GFOD1: variants seen among roughly 807,000 people sequenced by gnomAD.
GFOD1 encodes the protein glucose-fructose oxidoreductase domain-containing protein 1.
A neutral mutation model predicts 25.4 loss-of-function variants in GFOD1; 9 were observed. The ratio of observed to expected loss-of-function variants is 0.35; its 90% CI spans 0.21 to 0.62. The LOEUF (loss-of-function observed/expected upper bound fraction) is 0.62. GFOD1 is among the 20% of genes least tolerant of loss of function. The pLI, the probability that GFOD1 is intolerant of heterozygous loss-of-function variation, is 0.72. For missense variants in GFOD1, 403 were observed against 556.9 expected, an observed-to-expected ratio of 0.72 and a Z score of 2.78; for synonymous variants, 253 against 245.6, an observed-to-expected ratio of 1.03 and a Z score of -0.28.
At position 13,476,150 on chromosome 6, in the gene GFOD1, C is replaced by A. The variant is rs748511274; in HGVS notation, c.253+10488G>T. Among the ~76,000 whole-genome samples the A allele has an allele frequency of 3.7e-4, 57 of 152,276 alleles. No homozygotes were observed. The Middle Eastern group carries it at 0.01, about 27-fold the overall frequency. ...CAAAAGACTTATATGCAAATGTTCACAGCAGCATTATTCACAATCACTTAA... is the reference window on the plus strand; with the variant it reads ...CAAAAGACTTATATGCAAATGTTCAAAGCAGCATTATTCACAATCACTTAA... On this transcript the variant is annotated intron_variant, in intron 1 of 1. Transcript: ENST00000379287.
At chr6:13,455,299 T>C (rs1170261139) in intron 1 of GFOD1, among the ~76,000 whole-genome samples, 1 of 152,200 alleles carries the variant, frequency 6.6e-6, no homozygotes, top group Non-Finnish European at 1.5e-5. Flanking sequence ...TCCCTATCAC[T>C]AAATCACCTT....
At chr6:13,390,275 TTTG>T (rs901424128) in intron 1 of GFOD1, among the ~76,000 whole-genome samples, 3 of 152,102 alleles carry the variant, frequency 2.0e-5, no homozygotes, top group African/African-American at 4.8e-5. Context: ...GGGCTTCCAT[TTTG>T]TTGTTGTTGT....
chr6:13,379,033 AG>A (rs1221587136), intron 1 of GFOD1, among the ~76,000 whole-genome samples: 1 of 152,214 alleles, frequency 6.6e-6, no homozygotes, highest in Non-Finnish European at 1.5e-5. Context: ...CACCCACAGC[AG>A]GTGGTAAACA....
At chr6:13,428,007 C>T (rs183401500) in intron 1 of GFOD1, among the ~76,000 whole-genome samples, 136 of 152,272 alleles carry the variant, frequency 8.9e-4, no homozygotes, top group African/African-American at 3.1e-3. Flanking sequence ...TTTTCAAACA[C>T]CTCCACGCCT....
chr6:13,407,660 G>A (rs562437356), intron 1 of GFOD1, among the ~76,000 whole-genome samples: 5 of 152,314 alleles, frequency 3.3e-5, no homozygotes, highest in East Asian at 1.9e-4. Flanking sequence ...AATCAAAAGC[G>A]GGAATGGGGT....
At position 13,428,257 on chromosome 6, in the gene GFOD1, G is replaced by C. The variant is rs576776626; in HGVS notation, c.253+58381C>G. On this transcript the variant is annotated intron_variant, in intron 1 of 1. Transcript: ENST00000379287. ...CTTTAGAAGGCCAGTTCCTTTACGT[G>C]CCTCTCAAGCCCATGCTGAATTTCT... is the stretch of plus-strand genomic sequence containing the variant. Among the ~76,000 whole-genome samples the C allele has an allele frequency of 1.2e-3, 179 of 152,286 alleles. 2 individuals carry two copies. In the Middle Eastern group the frequency reaches 0.031, roughly 26 times the overall value.
chr6:13,473,132 T>G (rs1758543553), intron 1 of GFOD1, among the ~76,000 whole-genome samples: 1 of 152,146 alleles, frequency 6.6e-6, no homozygotes, highest in Non-Finnish European at 1.5e-5. Context: ...ACATGTCATA[T>G]GCAAATGTCC....
intron 1 of GFOD1, among the ~76,000 whole-genome samples, chr6:13,482,915 T>A (rs1584678853): frequency 6.6e-6 from 1 of 151,098 alleles, no homozygotes; most frequent in South Asian, 2.1e-4. Flanking sequence ...TATATATACA[T>A]CTATATATTA....
At chr6:13,429,540 A>G (rs902173466) in intron 1 of GFOD1, among the ~76,000 whole-genome samples, 1 of 152,180 alleles carries the variant, frequency 6.6e-6, no homozygotes, top group Non-Finnish European at 1.5e-5. Flanking sequence ...TACAACAGGA[A>G]CTGCTGACGT....
chr6:13,382,716 C>T (rs1314350396), intron 1 of GFOD1, among the ~76,000 whole-genome samples: 1 of 152,172 alleles, frequency 6.6e-6, no homozygotes, highest in Non-Finnish European at 1.5e-5. Flanking sequence ...AGGTTTGTTA[C>T]ATAGGTAAAT....
chr6:13,427,465 C>T lies in GFOD1; in HGVS notation c.253+59173G>A, dbSNP rs1757659360. On this transcript the variant is annotated intron_variant, in intron 1 of 1. Coordinates refer to ENST00000379287, the MANE Select transcript of GFOD1 (RefSeq NM_018988.4). ...CCTTGAGCCCAGGAGTTTGAAACCA[C>T]CCTGGGCAATATGGTGAAATCTCAT... Among the ~76,000 whole-genome samples the T allele has an allele frequency of 2.0e-5, 3 of 152,092 alleles. No individual in the cohort carries two copies. In the South Asian group the frequency reaches 6.2e-4, roughly 32 times the overall value.
Position 13,364,942 on chromosome 6 carries a change from G to A in GFOD1, c.974C>T (p.Thr325Met). ...CATGGTGAGGGGCCGCCCATCCCAC[G>A]TGCGCCGGTCGTCCTGGTCCTGGAA... ...QAFQDQDDRR[T>M]WDGRPLTMAA... is the part of the protein sequence containing the mutation. Residue 325 changes from threonine to methionine, a missense_variant, in exon 2 of 2, where the codon ACG (threonine) becomes ATG (methionine). Transcript: ENST00000379287. This position sits in a 1 kb window ranked among gnomAD's most constrained non-coding sequence, Gnocchi z 4.1. 6.2e-7 allele frequency: 1 copy of A among 1,611,534 alleles called. No individual in the cohort carries two copies. The highest frequency in any genetic ancestry group is 8.5e-7 in the Non-Finnish European group (1 of 1,179,904).
chr6:13,397,746 C>T (rs572304901), intron 1 of GFOD1, among the ~76,000 whole-genome samples: 11 of 152,330 alleles, frequency 7.2e-5, no homozygotes, highest in Admixed American at 3.3e-4. Flanking sequence ...TGGGCATACC[C>T]GGAATAACAC....
rs369047514 is a variant in GFOD1 at position 13,409,149 on chromosome 6, G to GAAAGAAAGAAAGAA, written c.254-43488_254-43487insTTCTTTCTTTCTTT. ...AGAAAGAAAGAAAGAAAGAAAGAAAGAGAGGAAAGAAAGAAAGGAAAGAGA... is the reference window on the plus strand; with the variant it reads ...AGAAAGAAAGAAAGAAAGAAAGAAAGAAAGAAAGAAAGAAAGAGGAAAGAAAGAAAGGAAAGAGA... On this transcript the variant is annotated intron_variant, in intron 1 of 1. Coordinates refer to ENST00000379287, the MANE Select transcript of GFOD1 (RefSeq NM_018988.4). Among the ~76,000 whole-genome samples the GAAAGAAAGAAAGAA allele has an allele frequency of 3.1e-3, 112 of 36,448 alleles. 8 individuals carry two copies. Among genetic ancestry groups the GAAAGAAAGAAAGAA allele is most frequent in the South Asian group, 0.011 (9 of 820 alleles). The allele number at this position is 36,448 out of a possible 152,430, so 23.9% of individuals were successfully genotyped here.
chr6:13,365,378 T>C lies in GFOD1; in HGVS notation c.538A>G (p.Ile180Val). The C allele has an allele frequency of 1.9e-6, 3 of 1,614,048 alleles. No individual in the cohort carries two copies. The highest frequency in any genetic ancestry group is 2.5e-6 in the Non-Finnish European group (3 of 1,179,966). The change falls in exon 2 of 2, where the codon ATC (isoleucine) becomes GTC (valine). Residue 180 changes from isoleucine (I) to valine (V), a missense_variant. Ile to Val is a conservative substitution (Grantham distance 29). Coordinates refer to ENST00000379287, the MANE Select transcript of GFOD1 (RefSeq NM_018988.4). This position sits in a 1 kb window ranked among gnomAD's most constrained non-coding sequence, Gnocchi z 9.2. ...GGGLHSVGTY[I>V]IDLLTFLTGQ... ...GTGAGGAAGGTGAGCAGGTCGATGA[T>C]GTAGGTGCCCACGGAGTGCAGGCCG...
intron 1 of GFOD1, among the ~76,000 whole-genome samples, chr6:13,368,922 A>G (rs1785098133): frequency 6.6e-6 from 1 of 152,222 alleles, no homozygotes; most frequent in South Asian, 2.1e-4. Context: ...TGGATTCCCC[A>G]GGGATCTGAG....
intron 1 of GFOD1, among the ~76,000 whole-genome samples, chr6:13,422,125 C>T (rs928638390): frequency 3.3e-5 from 5 of 151,980 alleles, no homozygotes; most frequent in Admixed American, 6.6e-5. Flanking sequence ...GACAAGAACA[C>T]ATGCACAAAC....
At chr6:13,374,684 A>G (rs1029528163) in intron 1 of GFOD1, among the ~76,000 whole-genome samples, 6 of 146,572 alleles carry the variant, frequency 4.1e-5, no homozygotes, top group African/African-American at 1.2e-4. Context: ...CATATAATGT[A>G]TAGTGATCAG....
chr6:13,396,781 A>T (rs1036688363), intron 1 of GFOD1, among the ~76,000 whole-genome samples: 3 of 152,148 alleles, frequency 2.0e-5, no homozygotes, highest in African/African-American at 7.2e-5. Flanking sequence ...TGGAAAAGGC[A>T]AGGGTATGGA....
Sources: allele counts gnomAD v4.1 joint callset (sites outside exome capture counted in the v4.1 genomes callset), GRCh38; gene constraint gnomAD v4.1.1; non-coding constraint Gnocchi (gnomAD v3.1); transcripts MANE v1.5; gene names NCBI Gene and HGNC (gene_info 2026-07-23, HGNC 2026-07-21).